ALB: variants seen among roughly 807,000 people sequenced by gnomAD.
ALB encodes serum albumin.
ALB carries 37 observed loss-of-function variants against 74.5 expected under a neutral mutation model. The observed-to-expected ratio is 0.50, with a 90% CI of 0.38 to 0.65. The LOEUF is 0.65. ALB is among the 30% of genes least tolerant of loss of function. ALB has a pLI of 0.00. For synonymous variants in ALB, 249 were observed against 251.6 expected, an observed-to-expected ratio of 0.99 and a Z score of 0.10; for missense variants, 685 against 718.7, an observed-to-expected ratio of 0.95 and a Z score of 0.54.
chr4:73,412,159 G>A (rs1288757677), intron 7 of ALB, 34 bp downstream of exon 7: 3 of 1,612,950 alleles, frequency 1.9e-6, no homozygotes, highest in African/African-American at 1.3e-5. Context: ...TTGGTAGCTT[G>A]CATGCTCAAG....
chr4:73,417,984 G>A (rs1719056726), intron 11 of ALB, 104 bp from the exon 12 acceptor site: 1 of 1,072,030 alleles, frequency 9.3e-7, no homozygotes, highest in Non-Finnish European at 1.4e-6. Flanking sequence ...AAGTAGCTGG[G>A]ACTACAGGTG....
intron 4 of ALB, 80 bp from the exon 5 acceptor site, chr4:73,409,274 CT>C (rs1293491066): frequency 2.4e-5 from 36 of 1,483,250 alleles, no homozygotes; most frequent in Non-Finnish European, 3.3e-5. Context: ...TTTGGAGGTT[CT>C]GGGGAGAATG....
rs1302870021 is a variant in ALB at position 73,410,392 on chromosome 4, A to G, written c.696A>G (p.Glu232=). 1 of 1,611,490 alleles carries G rather than the reference A, an allele frequency of 6.2e-7. No homozygotes were observed. Among genetic ancestry groups the G allele is most frequent in the Non-Finnish European group, 8.5e-7 (1 of 1,177,698 alleles). ...LKCASLQKFG[E]RAFKAWAVAR... is the part of the protein sequence containing the mutation. ...GTGCCAGTCTCCAAAAATTTGGAGAAAGAGCTTTCAAAGCATGGTAAATAC... is the reference window on the plus strand; with the variant it reads ...GTGCCAGTCTCCAAAAATTTGGAGAGAGAGCTTTCAAAGCATGGTAAATAC... The change falls in exon 6 of 15, where the codon GAA becomes GAG. Residue 232 remains glutamate, a synonymous_variant. Transcript: ENST00000295897.
At position 73,420,326 on chromosome 4, in the gene ALB, C is replaced by G; in HGVS notation, c.*23+5C>G. Reference sequence around the variant, plus strand: ...TCACATTTAAAAGCATCTCAGGTAACTATATTTTGAATTTTTTAAAAAAGT... The same window carrying G: ...TCACATTTAAAAGCATCTCAGGTAAGTATATTTTGAATTTTTTAAAAAAGT... On this transcript the variant is annotated splice_donor_5th_base_variant and intron_variant, in intron 14 of 14. Coordinates refer to ENST00000295897, the MANE Select transcript of ALB (RefSeq NM_000477.7). 6.3e-7 allele frequency: 1 copy of G among 1,587,982 alleles called. No individual in the cohort carries two copies. Among genetic ancestry groups the G allele is most frequent in the Non-Finnish European group, 8.6e-7 (1 of 1,159,662 alleles).
intron 14 of ALB, 62 bp from the exon 15 acceptor site, chr4:73,421,030 T>G (rs1242058494): frequency 1.5e-6 from 1 of 659,152 alleles, no homozygotes; most frequent in Non-Finnish European, 2.7e-6. Flanking sequence ...TTTATTTTAA[T>G]AGGTTTGAAA....
chr4:73,409,946 AC>A (rs1718830616), intron 5 of ALB, among the ~76,000 whole-genome samples: 1 of 152,100 alleles, frequency 6.6e-6, no homozygotes, highest in Non-Finnish European at 1.5e-5. Context: ...TGAGGAGTTT[AC>A]TGATGTTGGT....
intron 7 of ALB, 177 bp downstream of exon 7, chr4:73,412,302 G>C: frequency 2.6e-6 from 2 of 755,408 alleles, no homozygotes; most frequent in Non-Finnish European, 4.5e-6. Flanking sequence ...TTTTAACCTG[G>C]CTATAAATTA....
intron 7 of ALB, 188 bp downstream of exon 7, chr4:73,412,313 C>T (rs920883944): frequency 5.9e-6 from 4 of 676,370 alleles, no homozygotes; most frequent in Admixed American, 4.4e-5. Flanking sequence ...CTATAAATTA[C>T]CAGATAAACC....
In ALB at chr4:73,408,636, C is replaced by T. The variant is rs138715514; in HGVS notation, c.313C>T (p.Arg105Cys). ...CAAATTATGCACAGTTGCAACTCTT[C>T]GTGAAACCTATGGTGAAATGGCTGA... ...GDKLCTVATLRETYGEMADCC... is the reference protein window; with the variant it reads ...GDKLCTVATLCETYGEMADCC... Residue 105 changes from arginine (R) to cysteine (C), a missense_variant, in exon 4 of 15, where the codon CGT (arginine) becomes TGT (cysteine). Arg to Cys is a radical substitution (Grantham distance 180, BLOSUM62 -3). Transcript: ENST00000295897. The T allele has an allele frequency of 5.0e-6, 8 of 1,613,900 alleles. No homozygotes were observed. Among genetic ancestry groups the T allele is most frequent in the Middle Eastern group, 1.6e-4 (1 of 6,084 alleles).
chr4:73,411,381 A>C (rs1193823138), intron 6 of ALB, among the ~76,000 whole-genome samples: 1 of 152,210 alleles, frequency 6.6e-6, no homozygotes, highest in South Asian at 2.1e-4. Context: ...ATCTTGTCAT[A>C]GAGTTTGAAG....
At chr4:73,410,515 A>G (rs1339748154) in intron 6 of ALB, 106 bp downstream of exon 6, 3 of 825,852 alleles carry the variant, frequency 3.6e-6, no homozygotes, top group South Asian at 1.4e-5. Context: ...TGTCAAATAC[A>G]TTTCTTTGGT....
intron 3 of ALB, among the ~76,000 whole-genome samples, chr4:73,407,489 T>G (rs1408397612): frequency 1.3e-5 from 2 of 152,232 alleles, no homozygotes; most frequent in Non-Finnish European, 2.9e-5. Flanking sequence ...GTACCACATT[T>G]TCTTTATCCA....
intron 2 of ALB, 114 bp downstream of exon 2, chr4:73,405,287 C>G: frequency 2.2e-6 from 2 of 900,544 alleles, no homozygotes; most frequent in Non-Finnish European, 3.6e-6. Flanking sequence ...AGTGCTGCCT[C>G]GTAGAGTTTT....
chr4:73,420,586 A>G (rs1719118116), intron 14 of ALB, among the ~76,000 whole-genome samples: 1 of 152,180 alleles, frequency 6.6e-6, no homozygotes, highest in Non-Finnish European at 1.5e-5. Context: ...CAAAATTGAA[A>G]CCAAAGTTTC....
intron 3 of ALB, 56 bp downstream of exon 3, chr4:73,406,817 T>C: frequency 6.3e-7 from 1 of 1,599,380 alleles, no homozygotes; most frequent in Non-Finnish European, 8.5e-7. Flanking sequence ...ATCCCAAGCA[T>C]TTCAAAGGAA....
intron 7 of ALB, chr4:73,412,356 C>T: frequency 5.4e-6 from 3 of 553,474 alleles, no homozygotes; most frequent in Non-Finnish European, 9.8e-6. Context: ...TTCAGTCATG[C>T]TCTAACTGTA....
chr4:73,420,302 C>T lies in ALB; in HGVS notation c.*4C>T, dbSNP rs1719112585. 1.2e-6 allele frequency: 2 copies of T among 1,608,660 alleles called. No homozygotes were observed. Among genetic ancestry groups the T allele is most frequent in the Non-Finnish European group, 1.7e-6 (2 of 1,175,746 alleles). ...TCAAGCTGCCTTAGGCTTATAACAT[C>T]ACATTTAAAAGCATCTCAGGTAACT... On this transcript the variant is annotated 3_prime_UTR_variant, in exon 14 of 15. Coordinates refer to ENST00000295897, the MANE Select transcript of ALB (RefSeq NM_000477.7).
At chr4:73,408,467 G>A in intron 3 of ALB, 127 bp from the exon 4 acceptor site, 1 of 804,984 alleles carries the variant, frequency 1.2e-6, no homozygotes, top group Non-Finnish European at 2.0e-6. Context: ...TCGATTGGGA[G>A]GGGAAGCGGA....
intron 7 of ALB, among the ~76,000 whole-genome samples, chr4:73,412,389 G>A (rs1192341167): frequency 6.6e-6 from 1 of 152,176 alleles, no homozygotes; most frequent in Non-Finnish European, 1.5e-5. Context: ...AACTGAAGTA[G>A]AACAGTTACA....
Sources: gnomAD v4.1 joint callset for allele counts (sites outside exome capture counted in the v4.1 genomes callset) on GRCh38, gnomAD v4.1.1 for gene constraint, MANE v1.5 for transcripts, NCBI Gene and HGNC (gene_info 2026-07-23, HGNC 2026-07-21) for gene names.